The following SIMC1 variants were observed in gnomAD, a reference collection of about 807,000 sequenced individuals.
The protein encoded by SIMC1 is SUMO-interacting motif-containing protein 1.
SIMC1 carries 55 observed loss-of-function variants against 82.3 expected under a neutral mutation model. The observed-to-expected ratio is 0.67, with a 90% CI of 0.54 to 0.84. The LOEUF is 0.84. SIMC1 is among the 40% of genes least tolerant of loss of function. The probability of loss-of-function intolerance (pLI) is 0.00; values close to 1 mark genes in which losing one functional copy is unlikely to be tolerated. For synonymous variants in SIMC1, 353 were observed against 426.3 expected, an observed-to-expected ratio of 0.83 and a Z score of 2.12; for missense variants, 915 against 1,107.2, an observed-to-expected ratio of 0.83 and a Z score of 2.46.
At chr5:176,300,389 G>A (rs1274614756) in intron 4 of SIMC1, among the ~76,000 whole-genome samples, 1 of 152,162 alleles carries the variant, frequency 6.6e-6, no homozygotes, top group African/African-American at 2.4e-5. Context: ...CACAATTATC[G>A]CTTACTGAAA....
chr5:176,325,443 TG>T (rs1561725848), intron 7 of SIMC1, among the ~76,000 whole-genome samples: 1 of 151,486 alleles, frequency 6.6e-6, no homozygotes, highest in East Asian at 1.9e-4. Context: ...CCCAGCACTT[TG>T]GGAGACCAAG....
At chr5:176,305,592 C>T (rs1764304931) in intron 4 of SIMC1, among the ~76,000 whole-genome samples, 1 of 143,720 alleles carries the variant, frequency 7.0e-6, no homozygotes, top group Non-Finnish European at 1.5e-5. Context: ...GGGGGTCAGC[C>T]CTCCGCCCGG....
At chr5:176,263,107 T>C (rs1762072038) in intron 1 of SIMC1, among the ~76,000 whole-genome samples, 1 of 152,180 alleles carries the variant, frequency 6.6e-6, no homozygotes, top group Non-Finnish European at 1.5e-5. Context: ...ACAAAATCTT[T>C]ATATAGAAAA....
chr5:176,288,134 A>C (rs530722140), intron 1 of SIMC1, among the ~76,000 whole-genome samples: 54 of 152,342 alleles, frequency 3.5e-4, no homozygotes, highest in East Asian at 1.2e-3. Context: ...TAGTCCAGGC[A>C]CAGTGGCTCG....
At chr5:176,277,299 G>T (rs1308935048) in intron 1 of SIMC1, among the ~76,000 whole-genome samples, 17 of 151,694 alleles carry the variant, frequency 1.1e-4, no homozygotes, top group Admixed American at 7.2e-4. Flanking sequence ...GGGGTTCTTT[G>T]TTTTTTTCTT....
chr5:176,266,362 A>G (rs1221080206), intron 1 of SIMC1, among the ~76,000 whole-genome samples: 1 of 152,118 alleles, frequency 6.6e-6, no homozygotes, highest in Non-Finnish European at 1.5e-5. Context: ...GCAAAATTTT[A>G]GTATAATGAC....
intron 1 of SIMC1, among the ~76,000 whole-genome samples, chr5:176,245,381 A>G (rs1471018037): frequency 6.6e-6 from 1 of 152,174 alleles, no homozygotes; most frequent in African/African-American, 2.4e-5. Flanking sequence ...TCTTCCCTGG[A>G]GCCTTCAAGA....
At chr5:176,284,116 T>C (rs944793673) in intron 1 of SIMC1, among the ~76,000 whole-genome samples, 46 of 152,118 alleles carry the variant, frequency 3.0e-4, no homozygotes, top group Non-Finnish European at 4.9e-4. Context: ...GACAGATCAA[T>C]GAGATAGAAA....
At chr5:176,297,522 A>G (rs528652847) in intron 4 of SIMC1, among the ~76,000 whole-genome samples, 1 of 151,748 alleles carries the variant, frequency 6.6e-6, no homozygotes, top group East Asian at 1.9e-4. Flanking sequence ...AAAAAAAAAA[A>G]AAAAACGTTG....
intron 9 of SIMC1, among the ~76,000 whole-genome samples, chr5:176,339,500 C>A (rs528569602): frequency 6.6e-6 from 1 of 152,174 alleles, no homozygotes; most frequent in South Asian, 2.1e-4. Context: ...TGTGTTCTTA[C>A]CCTCAGTGAG....
intron 1 of SIMC1, among the ~76,000 whole-genome samples, chr5:176,274,534 C>CT (rs1256958030): frequency 1.3e-5 from 2 of 151,802 alleles, no homozygotes; most frequent in African/African-American, 4.8e-5. Flanking sequence ...TCAATTTTGG[C>CT]TTTTGTTGCC....
In SIMC1 at chr5:176,295,098, G is replaced by T. The variant is rs778225505; in HGVS notation, c.1500G>T (p.Glu500Asp). The change falls in exon 3 of 10, where the codon GAG becomes GAT. Residue 500 changes from glutamate to aspartate, a missense_variant. Glu to Asp is a conservative substitution (Grantham distance 45). Around this residue, in one of 2 missense-constraint regions of SIMC1, gnomAD observed 902 missense variants for 1,040.3 expected, o/e 0.87. Coordinates refer to ENST00000429602, the MANE Select transcript of SIMC1 (RefSeq NM_001308195.2). ...RLRMVTNTIEENFPLGTVQFL... is the reference protein window; with the variant it reads ...RLRMVTNTIEDNFPLGTVQFL... ...GAATGGTAACAAATACCATTGAAGA[G>T]AATTTTCCTCTGGGGACTGTGCAGT... 19 of 1,613,074 alleles carry T rather than the reference G, an allele frequency of 1.2e-5. No homozygotes were observed. The Admixed American group carries it at 3.0e-4, about 26-fold the overall frequency.
intron 4 of SIMC1, among the ~76,000 whole-genome samples, chr5:176,312,286 A>G (rs1025355530): frequency 5.3e-5 from 8 of 152,148 alleles, no homozygotes; most frequent in African/African-American, 1.9e-4. Flanking sequence ...CTATAATCCC[A>G]ACACTTTGGG....
At position 176,290,215 on chromosome 5, in the gene SIMC1, AGAGCCTCACCATGTCCACCAC is replaced by A. The variant is rs1291020319; in HGVS notation, c.699_719del (p.Pro234_Ser240del). 1.9e-6 allele frequency: 3 copies of A among 1,612,726 alleles called. No individual in the cohort carries two copies. Among genetic ancestry groups the A allele is most frequent in the Non-Finnish European group, 1.7e-6 (2 of 1,179,460 alleles). On this transcript the variant is annotated inframe_deletion, in exon 2 of 10. Coordinates refer to ENST00000429602, the MANE Select transcript of SIMC1 (RefSeq NM_001308195.2). ...CCTGCGACCTTTGCCATGCCCACCG[AGAGCCTCACCATGTCCACCAC>A]GAGCCTCCTCATGCCCACCACGAGC... is the stretch of plus-strand genomic sequence containing the variant.
intron 5 of SIMC1, 93 bp from the exon 6 acceptor site, chr5:176,322,180 A>G: frequency 7.0e-7 from 1 of 1,425,826 alleles, no homozygotes; most frequent in Non-Finnish European, 9.3e-7. Flanking sequence ...AGCACCATAA[A>G]TACAACAGAC....
At chr5:176,246,804 C>T (rs1423448322) in intron 1 of SIMC1, among the ~76,000 whole-genome samples, 1 of 151,936 alleles carries the variant, frequency 6.6e-6, no homozygotes, top group East Asian at 1.9e-4. Flanking sequence ...GTTCCCATCC[C>T]TGTGTCCATG....
chr5:176,300,540 T>C (rs1763998949), intron 4 of SIMC1, among the ~76,000 whole-genome samples: 1 of 150,818 alleles, frequency 6.6e-6, no homozygotes, highest in African/African-American at 2.4e-5. Context: ...CAGGCTGGTC[T>C]TGAACTCTTG....
chr5:176,291,058 A>G, intron 2 of SIMC1, 103 bp downstream of exon 2: 1 of 699,724 alleles, frequency 1.4e-6, no homozygotes, highest in South Asian at 2.2e-5. Context: ...TCAAGCATAA[A>G]TGAAATTTCT....
At chr5:176,340,061 C>T (rs987791665) in intron 9 of SIMC1, among the ~76,000 whole-genome samples, 5 of 152,120 alleles carry the variant, frequency 3.3e-5, no homozygotes, top group African/African-American at 1.2e-4. Context: ...TTAGAGAGCC[C>T]AAGCTTTCCT....
Sources: allele counts gnomAD v4.1 joint callset (sites outside exome capture counted in the v4.1 genomes callset), GRCh38; gene constraint gnomAD v4.1.1; regional missense constraint gnomAD v4.1.1; transcripts MANE v1.5; gene names NCBI Gene and HGNC (gene_info 2026-07-23, HGNC 2026-07-21).